Variants in ASB13 observed in about 807,000 individuals in gnomAD.
ASB13 encodes ankyrin repeat and SOCS box containing 13.
In ASB13, 33 loss-of-function variants were observed where a neutral mutation model predicts 28.8. That is an observed-to-expected ratio of 1.15 (90% CI 0.87 to 1.53). The LOEUF (loss-of-function observed/expected upper bound fraction) is 1.53. ASB13 is among the 40% of genes most tolerant of loss of function. The pLI is 0.00. For missense variants in ASB13, 414 were observed against 390.1 expected, an observed-to-expected ratio of 1.06 and a Z score of -0.52; for synonymous variants, 182 against 172.9, an observed-to-expected ratio of 1.05 and a Z score of -0.41.
Position 5,652,062 on chromosome 10 carries a change from A to ACACACACACACAC in ASB13, c.232-700_232-699insGTGTGTGTGTGTG, listed in dbSNP as rs1588513752. 6.8e-5 allele frequency among the ~76,000 whole-genome samples: 10 copies of ACACACACACACAC among 146,312 alleles called. No individual in the cohort carries two copies. The highest frequency in any genetic ancestry group is 2.3e-4 in the African/African-American group (9 of 39,698). On this transcript the variant is annotated intron_variant, in intron 2 of 5. Coordinates refer to ENST00000357700, the MANE Select transcript of ASB13 (RefSeq NM_024701.4). This position sits in a 1 kb window ranked among gnomAD's most constrained non-coding sequence, Gnocchi z 5.0. ...CACACACACACACACACACACACAC[A>ACACACACACACAC]AAACTCTAACCTCAATGGAAGGAAT...
At chr10:5,662,601 G>C (rs896237200) in intron 1 of ASB13, among the ~76,000 whole-genome samples, 2 of 147,760 alleles carry the variant, frequency 1.4e-5, no homozygotes, top group South Asian at 2.3e-4. Context: ...GAGAAGAGAA[G>C]AGAAGAGAAG....
At chr10:5,640,886 C>G (rs750573877) in intron 5 of ASB13, 56 bp from the exon 6 acceptor site, 1 of 1,600,426 alleles carries the variant, frequency 6.2e-7, no homozygotes, top group Non-Finnish European at 8.5e-7. Context: ...AGCACAACAC[C>G]TGCAATGGAA....
chr10:5,646,815 G>T (rs1030132891), intron 4 of ASB13, among the ~76,000 whole-genome samples: 2 of 152,130 alleles, frequency 1.3e-5, no homozygotes, highest in Non-Finnish European at 2.9e-5. Context: ...AATGGAACTC[G>T]TGTGTACTGA....
intron 1 of ASB13, among the ~76,000 whole-genome samples, chr10:5,662,146 G>A (rs1252173785): frequency 6.6e-6 from 1 of 152,072 alleles, no homozygotes; most frequent in Non-Finnish European, 1.5e-5. Flanking sequence ...AGTCCTGAGT[G>A]ACATAGCCCC....
Position 5,638,931 on chromosome 10 carries a change from C to T in ASB13, c.*1772G>A, listed in dbSNP as rs1341123792. ...GGGACCTGATTCTGCGCTAAGTGCT[C>T]TACTGTGAGACATCACAGGTTGTCA... On this transcript the variant is annotated 3_prime_UTR_variant, in exon 6 of 6. Coordinates refer to ENST00000357700, the MANE Select transcript of ASB13 (RefSeq NM_024701.4). 1.3e-5 allele frequency: 2 copies of T among 152,314 alleles called. No individual in the cohort carries two copies. The highest frequency in any genetic ancestry group is 2.4e-5 in the African/African-American group (1 of 41,424). The allele number at this position is 152,314 out of a possible 1,614,324, so 9.4% of individuals were successfully genotyped here. A position where few individuals can be genotyped will look rare whatever the true frequency, so the allele number is the denominator to read the frequency against.
chr10:5,665,651 T>C (rs1835246817), intron 1 of ASB13, among the ~76,000 whole-genome samples: 1 of 152,206 alleles, frequency 6.6e-6, no homozygotes, highest in Non-Finnish European at 1.5e-5. Flanking sequence ...TAGATACCTT[T>C]GATCATGTCA....
chr10:5,665,797 GA>G (rs1835249115), intron 1 of ASB13, among the ~76,000 whole-genome samples: 1 of 151,516 alleles, frequency 6.6e-6, no homozygotes, highest in Non-Finnish European at 1.5e-5. Flanking sequence ...ATATGCTTTA[GA>G]TTTTTTTTTT....
chr10:5,641,738 G>A lies in ASB13; in HGVS notation c.709+32C>T. On this transcript the variant is annotated intron_variant, in intron 5 of 5. Transcript: ENST00000357700. This position sits in a 1 kb window ranked among gnomAD's most constrained non-coding sequence, Gnocchi z 8.4. ...TCAGGGGTCCAGGCTGAAGGCTGGAGGGGATGGGGTGCGCTCGGTGGGGTG... is the reference window on the plus strand; with the variant it reads ...TCAGGGGTCCAGGCTGAAGGCTGGAAGGGATGGGGTGCGCTCGGTGGGGTG... The A allele has an allele frequency of 1.3e-6, 2 of 1,540,588 alleles. No individual in the cohort carries two copies. The highest frequency in any genetic ancestry group is 4.3e-4 in the Middle Eastern group (2 of 4,640).
chr10:5,647,710 G>A (rs1834906985), intron 4 of ASB13, among the ~76,000 whole-genome samples: 1 of 152,198 alleles, frequency 6.6e-6, no homozygotes, highest in South Asian at 2.1e-4. Flanking sequence ...AGTTCTCCCA[G>A]CAACCTGCAG....
In ASB13 at chr10:5,658,723, C is replaced by CT. The variant is rs1835110430; in HGVS notation, c.44-5674_44-5673insA. On this transcript the variant is annotated intron_variant, in intron 1 of 5. Coordinates refer to ENST00000357700, the MANE Select transcript of ASB13 (RefSeq NM_024701.4). This position sits in a 1 kb window ranked among gnomAD's most constrained non-coding sequence, Gnocchi z 4.2. ...CTTTTGTGTTCTGTGCTCTCTACTACAATTAAAAATAGAAAAAAAAAATTT... is the reference window on the plus strand; with the variant it reads ...CTTTTGTGTTCTGTGCTCTCTACTACTAATTAAAAATAGAAAAAAAAAATTT... 6.6e-6 allele frequency among the ~76,000 whole-genome samples: 1 copy of CT among 151,888 alleles called. No homozygotes were observed. The highest frequency in any genetic ancestry group is 6.5e-5 in the Admixed American group (1 of 15,274).
rs746978761 is a variant in ASB13 at position 5,641,908 on chromosome 10, T to C, written c.571A>G (p.Lys191Glu). The C allele has an allele frequency of 6.8e-6, 11 of 1,613,588 alleles. No individual in the cohort carries two copies. The highest frequency in any genetic ancestry group is 9.3e-6 in the Non-Finnish European group (11 of 1,179,534). Residue 191 changes from lysine to glutamate, a missense_variant, in exon 5 of 6, where the codon AAG (lysine) becomes GAG (glutamate). Lys to Glu is a moderately conservative substitution (Grantham distance 56). Coordinates refer to ENST00000357700, the MANE Select transcript of ASB13 (RefSeq NM_024701.4). The surrounding 1 kb of genome is among the most constrained non-coding windows in gnomAD (Gnocchi z 8.4). ...LHETALHHAA[K>E]VKNVDLIEML... ...TCGATGAGGTCAACATTCTTGACCT[T>C]GGCCGCGTGGTGAAGGGCAGTCTCA...
chr10:5,657,053 A>T (rs115805735), intron 1 of ASB13, among the ~76,000 whole-genome samples: 3 of 152,234 alleles, frequency 2.0e-5, no homozygotes, highest in Non-Finnish European at 2.9e-5. Flanking sequence ...TAAAATTTTT[A>T]AAAGAAAATC....
rs1413653331 is a variant in ASB13, at chr10:5,658,875, A to G, written c.44-5825T>C. On this transcript the variant is annotated intron_variant, in intron 1 of 5. Coordinates refer to ENST00000357700, the MANE Select transcript of ASB13 (RefSeq NM_024701.4). The surrounding 1 kb of genome is among the most constrained non-coding windows in gnomAD (Gnocchi z 4.2). The stretch of plus-strand genomic sequence containing the variant: ...AGAGGACAGCAGGTGCCTGGGGTGC[A>G]CCTCGTCACCTTTCCTGACACCCCC... Among the ~76,000 whole-genome samples the G allele has an allele frequency of 6.6e-6, 1 of 152,092 alleles. No individual in the cohort carries two copies. The highest frequency in any genetic ancestry group is 2.4e-5 in the African/African-American group (1 of 41,398).
chr10:5,647,434 T>C (rs1834902201), intron 4 of ASB13, among the ~76,000 whole-genome samples: 1 of 152,228 alleles, frequency 6.6e-6, no homozygotes, highest in Non-Finnish European at 1.5e-5. Flanking sequence ...CTCGATTGGT[T>C]GGTCTTTTTG....
Position 5,648,859 on chromosome 10 carries a change from T to C in ASB13, c.517+111A>G, listed in dbSNP as rs1282132276. The C allele has an allele frequency of 1.0e-4, 156 of 1,508,452 alleles. No homozygotes were observed. In the African/African-American group the frequency reaches 1.1e-3, roughly 11 times the overall value. 93.4% of individuals were successfully genotyped at this position (1,508,452 alleles called of 1,614,324 possible). ...CCACTCCGGTAAACACCCACTCGGG[T>C]AAACACCCACTCGGGCAAACACCCA... On this transcript the variant is annotated intron_variant, in intron 4 of 5. Transcript: ENST00000357700.
Position 5,653,022 on chromosome 10 carries a change from G to A in ASB13, c.72C>T (p.His24=), listed in dbSNP as rs1194396535. Residue 24 remains histidine (H), a synonymous_variant, in exon 2 of 6, where the codon CAC becomes CAT. Coordinates refer to ENST00000357700, the MANE Select transcript of ASB13 (RefSeq NM_024701.4). ...VGFWVERTPV[H]EAAQRGESLQ... ...GGCTCTCACCCCGCTGGGCTGCCTCGTGCACAGGGGTCCGCTCCACCCAGA... is the reference window on the plus strand; with the variant it reads ...GGCTCTCACCCCGCTGGGCTGCCTCATGCACAGGGGTCCGCTCCACCCAGA... 8.4e-6 allele frequency: 13 copies of A among 1,550,086 alleles called. No homozygotes were observed. The highest frequency in any genetic ancestry group is 4.9e-5 in the East Asian group (2 of 40,982).
Position 5,649,475 on chromosome 10 carries a change from C to A in ASB13, c.383-371G>T, listed in dbSNP as rs538074001. ...GAGCCCAGCCTCCCAGGAAACCCCC[C>A]AGACTTTCTTATGCAGGTCATCCTC... On this transcript the variant is annotated intron_variant, in intron 3 of 5. Transcript: ENST00000357700. The surrounding 1 kb of genome is among the most constrained non-coding windows in gnomAD (Gnocchi z 6.4). Among the ~76,000 whole-genome samples, 195 of 151,880 alleles carry A rather than the reference C, an allele frequency of 1.3e-3. 1 individual carries two copies. Among genetic ancestry groups the A allele is most frequent in the Non-Finnish European group, 2.3e-3 (156 of 67,848 alleles).
rs145548473 is a variant in ASB13, at chr10:5,650,647, C to T, written c.382+566G>A. 4.3e-4 allele frequency among the ~76,000 whole-genome samples: 65 copies of T among 152,372 alleles called. 2 individuals carry two copies. Among genetic ancestry groups the T allele is most frequent in the African/African-American group, 1.5e-3 (61 of 41,594 alleles). ...TGGTCTCACCCTAAATTCCAGTCCT[C>T]TCTGCTCCACTGGGAGCTTCTGATG... is the stretch of plus-strand genomic sequence containing the variant. On this transcript the variant is annotated intron_variant, in intron 3 of 5. Transcript: ENST00000357700. This position sits in a 1 kb window ranked among gnomAD's most constrained non-coding sequence, Gnocchi z 6.0.
Position 5,643,132 on chromosome 10 carries a change from A to G in ASB13, c.518-1171T>C, listed in dbSNP as rs140730143. On this transcript the variant is annotated intron_variant, in intron 4 of 5. Transcript: ENST00000357700. ...GAAGTGTTTTAAAGAAGCCAAGCAA[A>G]TCGCCCAGCATCAGTAAAATAATTC... is the stretch of plus-strand genomic sequence containing the variant. 2.5e-4 allele frequency among the ~76,000 whole-genome samples: 38 copies of G among 152,326 alleles called. 1 individual carries two copies. In the East Asian group the frequency reaches 7.3e-3, roughly 29 times the overall value.
Sources: allele counts gnomAD v4.1 joint callset (sites outside exome capture counted in the v4.1 genomes callset), GRCh38; gene constraint gnomAD v4.1.1; non-coding constraint Gnocchi (gnomAD v3.1); transcripts MANE v1.5; gene names NCBI Gene and HGNC (gene_info 2026-07-23, HGNC 2026-07-21).